Variants in KATNA1 observed in about 807,000 individuals in gnomAD.
The protein encoded by KATNA1 is katanin p60 ATPase-containing subunit A1.
A neutral mutation model predicts 62.6 loss-of-function variants in KATNA1; 42 were observed. The observed-to-expected ratio is 0.67, with a 90% CI of 0.52 to 0.87. KATNA1 has a LOEUF of 0.87. KATNA1 is among the 40% of genes least tolerant of loss of function. The pLI is 0.00. For synonymous variants in KATNA1, 186 were observed against 201.9 expected, an observed-to-expected ratio of 0.92 and a Z score of 0.67; for missense variants, 498 against 612.5, an observed-to-expected ratio of 0.81 and a Z score of 1.97.
intron 7 of KATNA1, among the ~76,000 whole-genome samples, chr6:149,598,888 A>C (rs1453507337): frequency 6.6e-6 from 1 of 151,928 alleles, no homozygotes; most frequent in Non-Finnish European, 1.5e-5. Flanking sequence ...TTTAAGAGGC[A>C]AGGTCTTGCT....
chr6:149,637,897 A>C (rs1254024228), intron 2 of KATNA1, among the ~76,000 whole-genome samples: 2 of 152,236 alleles, frequency 1.3e-5, no homozygotes, highest in African/African-American at 4.8e-5. Context: ...TGATGGTGAA[A>C]GTGGATTATT....
At chr6:149,612,765 A>T (rs892323367) in intron 4 of KATNA1, among the ~76,000 whole-genome samples, 1 of 152,148 alleles carries the variant, frequency 6.6e-6, no homozygotes, top group Admixed American at 6.6e-5. Flanking sequence ...ACCATGACCA[A>T]GTGAGAATTA....
intron 2 of KATNA1, 142 bp downstream of exon 2, chr6:149,638,244 G>A (rs1473797460): frequency 2.8e-6 from 2 of 707,700 alleles, no homozygotes; most frequent in East Asian, 5.1e-5. Flanking sequence ...AAAGTGCTAG[G>A]ACTACAGGAG....
chr6:149,616,920 CAAAT>C (rs1779188291), intron 4 of KATNA1, among the ~76,000 whole-genome samples: 2 of 152,068 alleles, frequency 1.3e-5, no homozygotes, highest in Non-Finnish European at 2.9e-5. Flanking sequence ...TGTACATCAA[CAAAT>C]GAATGATAAA....
Position 149,647,128 on chromosome 6 carries a change from G to A in KATNA1, c.-14+1341C>T, listed in dbSNP as rs73779538. On this transcript the variant is annotated intron_variant, in intron 1 of 10. Transcript: ENST00000367411. ...GCTTTTCATAGTCTAGGAATGTTGG[G>A]AAGTTGATCACTACTGCGTGTTTTT... Among the ~76,000 whole-genome samples, 553 of 151,786 alleles carry A rather than the reference G, an allele frequency of 3.6e-3. 3 individuals carry two copies. The highest frequency in any genetic ancestry group is 0.013 in the African/African-American group (527 of 41,420).
In KATNA1 at chr6:149,611,225, C is replaced by T. The variant is rs544619260; in HGVS notation, c.502-6443G>A. Among the ~76,000 whole-genome samples, 6 of 151,978 alleles carry T rather than the reference C, an allele frequency of 3.9e-5. No homozygotes were observed. The South Asian group carries it at 1.2e-3, about 32-fold the overall frequency. ...CCTGTAATCTCAGCACTTTGGGAGG[C>T]CAAGGCAGGAGGGATTGCCTGAGAT... On this transcript the variant is annotated intron_variant, in intron 4 of 10. Coordinates refer to ENST00000367411, the MANE Select transcript of KATNA1 (RefSeq NM_007044.4).
intron 1 of KATNA1, among the ~76,000 whole-genome samples, chr6:149,642,806 T>C (rs565862813): frequency 1.3e-5 from 2 of 151,988 alleles, no homozygotes; most frequent in Admixed American, 1.3e-4. Context: ...CTATGGAAGG[T>C]GAGGAGGAAA....
intron 4 of KATNA1, among the ~76,000 whole-genome samples, chr6:149,622,469 A>G (rs1011189466): frequency 8.5e-5 from 13 of 152,194 alleles, no homozygotes; most frequent in Non-Finnish European, 8.8e-5. Flanking sequence ...AAATAAAATG[A>G]TAAGTCAAAA....
rs542209222 is a variant in KATNA1, at chr6:149,596,644, G to C, written c.1277+419C>G. On this transcript the variant is annotated intron_variant, in intron 10 of 10. Transcript: ENST00000367411. ...GCTGGGGTGCAGTGGCACAATCATG[G>C]CTCACTGCAGCCTCAAACTCCTGGG... 1.5e-3 allele frequency among the ~76,000 whole-genome samples: 234 copies of C among 152,162 alleles called. 1 individual carries two copies. Among genetic ancestry groups the C allele is most frequent in the African/African-American group, 5.3e-3 (220 of 41,512 alleles).
chr6:149,632,372 T>TAA (rs11441223), intron 3 of KATNA1, among the ~76,000 whole-genome samples: 42 of 133,556 alleles, frequency 3.1e-4, no homozygotes, highest in East Asian at 6.3e-4. Context: ...AGACTCTGTC[T>TAA]AAAAAAAAAA....
At chr6:149,622,123 G>T (rs1356185710) in intron 4 of KATNA1, among the ~76,000 whole-genome samples, 4 of 113,682 alleles carry the variant, frequency 3.5e-5, no homozygotes, top group African/African-American at 2.0e-4. Flanking sequence ...TGATAACTGT[G>T]TTTTTTTTGT....
At chr6:149,621,529 G>A (rs112623734) in intron 4 of KATNA1, among the ~76,000 whole-genome samples, 4,469 of 149,964 alleles carry the variant, frequency 0.03, 194 homozygotes, top group African/African-American at 0.1. Flanking sequence ...GTCTCGCTCT[G>A]TTGGTCAGGC....
intron 5 of KATNA1, 106 bp downstream of exon 5, chr6:149,604,555 G>C (rs116814066): frequency 8.5e-7 from 1 of 1,183,136 alleles, no homozygotes; most frequent in East Asian, 2.3e-5. Context: ...CACATACTCC[G>C]GTTCTGTCCT....
chr6:149,634,824 C>A (rs1468616239), intron 2 of KATNA1, among the ~76,000 whole-genome samples: 2 of 151,988 alleles, frequency 1.3e-5, no homozygotes, highest in Non-Finnish European at 2.9e-5. Context: ...TAAATAATTT[C>A]TAAAAATCAA....
chr6:149,596,462 G>A (rs1778314179), intron 10 of KATNA1, among the ~76,000 whole-genome samples: 1 of 152,228 alleles, frequency 6.6e-6, no homozygotes, highest in East Asian at 1.9e-4. Context: ...TTGAACCCAG[G>A]AGGCAAAGGT....
intron 1 of KATNA1, among the ~76,000 whole-genome samples, chr6:149,638,979 T>A (rs1780181819): frequency 6.6e-6 from 1 of 151,606 alleles, no homozygotes; most frequent in South Asian, 2.1e-4. Flanking sequence ...CCTCAGGTGA[T>A]CTGCCCGCCT....
At chr6:149,632,189 C>T (rs542516233) in intron 3 of KATNA1, among the ~76,000 whole-genome samples, 5 of 151,844 alleles carry the variant, frequency 3.3e-5, no homozygotes, top group South Asian at 2.1e-4. Flanking sequence ...GTGAGGAGAA[C>T]GAGACCAGCC....
intron 4 of KATNA1, among the ~76,000 whole-genome samples, chr6:149,610,098 T>C (rs1395543055): frequency 4.9e-5 from 3 of 60,882 alleles, no homozygotes; most frequent in Admixed American, 1.9e-4. Flanking sequence ...AAACTCCGTC[T>C]CAAAAAAAAA....
chr6:149,614,527 T>C (rs2115105089), intron 4 of KATNA1, among the ~76,000 whole-genome samples: 2 of 152,274 alleles, frequency 1.3e-5, no homozygotes, highest in Middle Eastern at 3.4e-3. Flanking sequence ...AATCCCAGTA[T>C]TTTGAGACGC....
Sources: allele counts gnomAD v4.1 joint callset (sites outside exome capture counted in the v4.1 genomes callset), GRCh38; gene constraint gnomAD v4.1.1; transcripts MANE v1.5; gene names NCBI Gene and HGNC (gene_info 2026-07-23, HGNC 2026-07-21).